Variants in ADAM7 observed in about 807,000 individuals in gnomAD.
The protein encoded by ADAM7 is ADAM metallopeptidase domain 7, also known as disintegrin and metalloproteinase domain-containing protein 7.
In ADAM7, 97 loss-of-function variants were observed where a neutral mutation model predicts 102.9. The ratio of observed to expected loss-of-function variants is 0.94; its 90% CI spans 0.80 to 1.12. The LOEUF (loss-of-function observed/expected upper bound fraction) is 1.12, where lower values mean the gene tolerates loss of function less well. ADAM7 is among the 50% of genes most tolerant of loss of function. The pLI is 0.00. For missense variants in ADAM7, 991 were observed against 908.7 expected (o/e 1.09, Z -1.16); for synonymous variants, 334 against 304.4 (o/e 1.10, Z -1.01).
chr8:24,476,354 C>T (rs1819766367), intron 7 of ADAM7, 79 bp from the exon 8 acceptor site: 1 of 1,065,336 alleles, frequency 9.4e-7, no homozygotes, highest in Non-Finnish European at 1.3e-6. Flanking sequence ...TTTGTAATAG[C>T]TGATGAATGA....
intron 16 of ADAM7, among the ~76,000 whole-genome samples, chr8:24,495,993 CT>C (rs1331466870): frequency 6.6e-6 from 1 of 152,206 alleles, no homozygotes; most frequent in Non-Finnish European, 1.5e-5. Context: ...TGTCACAGGT[CT>C]TCATAGCAGC....
chr8:24,482,001 C>A (rs542541711), intron 8 of ADAM7, 141 bp from the exon 9 acceptor site: 1 of 555,852 alleles, frequency 1.8e-6, no homozygotes, highest in Non-Finnish European at 3.0e-6. Flanking sequence ...TATCTGTTTG[C>A]AACATGAGGC....
intron 8 of ADAM7, 99 bp from the exon 9 acceptor site, chr8:24,482,043 C>A: frequency 1.1e-6 from 1 of 896,928 alleles, no homozygotes; most frequent in Non-Finnish European, 1.6e-6. Context: ...CTCACAAGTT[C>A]AAATTATTGT....
rs546613220 is a variant in ADAM7, at chr8:24,448,012, C to T, written c.233+750C>T. On this transcript the variant is annotated intron_variant, in intron 3 of 21. Transcript: ENST00000175238. ...CCCAAACCCTCCCTCTATTCTGAAT[C>T]CGTCACCAGACAAATGTGCCGAATA... is the stretch of plus-strand genomic sequence containing the variant. Among the ~76,000 whole-genome samples, 3 of 151,312 alleles carry T rather than the reference C, an allele frequency of 2.0e-5. No individual in the cohort carries two copies. In the South Asian group the frequency reaches 6.3e-4, roughly 32 times the overall value.
intron 1 of ADAM7, 28 bp from the exon 2 acceptor site, chr8:24,442,445 G>C: frequency 6.7e-7 from 1 of 1,493,926 alleles, no homozygotes; most frequent in South Asian, 1.1e-5. Flanking sequence ...ATGTCAGACG[G>C]ATTTTTTCCT....
intron 7 of ADAM7, among the ~76,000 whole-genome samples, chr8:24,473,694 T>C (rs1051070414): frequency 1.3e-5 from 2 of 152,286 alleles, no homozygotes; most frequent in Admixed American, 1.3e-4. Flanking sequence ...TATGAGAAAG[T>C]AAAATTATAA....
intron 20 of ADAM7, among the ~76,000 whole-genome samples, chr8:24,507,098 G>A (rs895457524): frequency 8.6e-5 from 13 of 151,986 alleles, no homozygotes; most frequent in Non-Finnish European, 1.3e-4. Context: ...CCTTGAACCC[G>A]GGCAGTCCAT....
At chr8:24,451,206 A>T (rs1818774502) in intron 3 of ADAM7, among the ~76,000 whole-genome samples, 3 of 151,692 alleles carry the variant, frequency 2.0e-5, no homozygotes, top group African/African-American at 7.3e-5. Context: ...TATTGATTGG[A>T]ATAGTTTCAG....
At chr8:24,479,898 AAT>A (rs1478362636) in intron 8 of ADAM7, among the ~76,000 whole-genome samples, 2 of 152,096 alleles carry the variant, frequency 1.3e-5, no homozygotes. Context: ...TACAGAAAAA[AAT>A]ATATGATTTT....
Position 24,506,302 on chromosome 8 carries a change from T to G in ADAM7, c.2209-1178T>G, listed in dbSNP as rs1820948960. The G allele has an allele frequency of 1.8e-4, 123 of 681,642 alleles. 3 individuals are homozygous for G. The South Asian group carries it at 2.3e-3, about 13-fold the overall frequency. The allele number at this position is 681,642 out of a possible 1,614,324, so 42.2% of individuals were successfully genotyped here. ...CTGATCGGAGGTAGAAATGGGACAC[T>G]CTGACACTCTGGCATAGAGACCTAC... On this transcript the variant is annotated intron_variant, in intron 20 of 21. Transcript: ENST00000175238.
At chr8:24,453,357 T>C (rs954282926) in intron 3 of ADAM7, among the ~76,000 whole-genome samples, 1 of 152,162 alleles carries the variant, frequency 6.6e-6, no homozygotes, top group Non-Finnish European at 1.5e-5. Flanking sequence ...TTTCTTTTTA[T>C]TCTTTTTTCT....
intron 16 of ADAM7, 66 bp from the exon 17 acceptor site, chr8:24,499,170 C>A: frequency 7.8e-7 from 1 of 1,280,586 alleles, no homozygotes; most frequent in Non-Finnish European, 1.1e-6. Context: ...ACATGCATTA[C>A]ATGAAATTAC....
intron 20 of ADAM7, among the ~76,000 whole-genome samples, chr8:24,506,783 AC>A (rs1820965333): frequency 2.0e-5 from 3 of 151,786 alleles, no homozygotes; most frequent in Non-Finnish European, 4.4e-5. Flanking sequence ...ACACACACAC[AC>A]ACACACAAAA....
At chr8:24,482,392 C>T (rs1421298023) in intron 9 of ADAM7, 81 bp downstream of exon 9, 1 of 1,351,402 alleles carries the variant, frequency 7.4e-7, no homozygotes, top group African/African-American at 1.5e-5. Flanking sequence ...AGAAAAAAAA[C>T]ATTTTTTAAG....
chr8:24,446,487 C>A (rs1039380149), intron 2 of ADAM7, among the ~76,000 whole-genome samples: 2 of 152,056 alleles, frequency 1.3e-5, no homozygotes, highest in Non-Finnish European at 2.9e-5. Flanking sequence ...AAAAGCTTTA[C>A]ATTTTTTTTC....
At position 24,508,663 on chromosome 8, in the gene ADAM7, G is replaced by A. The variant is rs762316262; in HGVS notation, c.*117G>A. 2.5e-6 allele frequency: 4 copies of A among 1,568,710 alleles called. No homozygotes were observed. The South Asian group carries it at 3.5e-5, about 14-fold the overall frequency. On this transcript the variant is annotated 3_prime_UTR_variant, in exon 22 of 22. Transcript: ENST00000175238. ...TCACATTTTTGGTAGTGTTTCAAACGTTCTTTATCCAGACAGACAATGTTT... is the reference window on the plus strand; with the variant it reads ...TCACATTTTTGGTAGTGTTTCAAACATTCTTTATCCAGACAGACAATGTTT...
chr8:24,481,063 A>AAAGC (rs1819933649), intron 8 of ADAM7, among the ~76,000 whole-genome samples: 1 of 149,866 alleles, frequency 6.7e-6, no homozygotes, highest in Admixed American at 6.7e-5. Flanking sequence ...CCCTGTCTCA[A>AAAGC]AAACAAACAA....
intron 9 of ADAM7, among the ~76,000 whole-genome samples, chr8:24,483,589 C>A (rs1820034016): frequency 6.6e-6 from 1 of 152,134 alleles, no homozygotes; most frequent in South Asian, 2.1e-4. Flanking sequence ...TGCATCAGAC[C>A]TCCAAAGTAA....
At chr8:24,447,144 A>G (rs773248437) in intron 2 of ADAM7, 42 bp from the exon 3 acceptor site, 47 of 1,200,054 alleles carry the variant, frequency 3.9e-5, no homozygotes, top group Non-Finnish European at 5.0e-5. Context: ...AACACACTAA[A>G]TGAGCCCATG....
Sources: gnomAD v4.1 joint callset for allele counts (sites outside exome capture counted in the v4.1 genomes callset) on GRCh38, gnomAD v4.1.1 for gene constraint, MANE v1.5 for transcripts, NCBI Gene and HGNC (gene_info 2026-07-23, HGNC 2026-07-21) for gene names.